The following PCDHA10 variants were observed in gnomAD, a reference collection of about 807,000 sequenced individuals.
PCDHA10 encodes the protein protocadherin alpha-10.
A neutral mutation model predicts 61.2 loss-of-function variants in PCDHA10; 45 were observed. That is an observed-to-expected ratio of 0.74 (90% CI 0.58 to 0.94). The LOEUF (loss-of-function observed/expected upper bound fraction) is 0.94, where lower values mean the gene tolerates loss of function less well. PCDHA10 is among the 40% of genes least tolerant of loss of function. The pLI is 0.00. For synonymous variants in PCDHA10, 602 were observed against 548.8 expected (o/e 1.10, Z -1.35); for missense variants, 1,278 against 1,236.2 (o/e 1.03, Z -0.51).
chr5:140,994,665 A>G (rs555985538), intron 3 of PCDHA10, among the ~76,000 whole-genome samples: 1 of 152,294 alleles, frequency 6.6e-6, no homozygotes, highest in East Asian at 1.9e-4. Flanking sequence ...AGATCACACT[A>G]CTGCACTCCA....
At chr5:140,922,715 G>A (rs1221596173) in intron 1 of PCDHA10, among the ~76,000 whole-genome samples, 1 of 152,038 alleles carries the variant, frequency 6.6e-6, no homozygotes, top group East Asian at 1.9e-4. Flanking sequence ...AGAACAAAAA[G>A]AAACACTTGA....
chr5:140,928,694 C>T, intron 1 of PCDHA10: 1 of 1,614,166 alleles, frequency 6.2e-7, no homozygotes, highest in South Asian at 1.1e-5. Flanking sequence ...TACCACATCT[C>T]CCGGGCGTCT....
intron 1 of PCDHA10, chr5:140,927,810 G>C: frequency 6.2e-7 from 1 of 1,614,200 alleles, no homozygotes. Flanking sequence ...AAACGCTCTT[G>C]GAGGCATACA....
intron 1 of PCDHA10, among the ~76,000 whole-genome samples, chr5:140,944,592 C>T (rs1225606041): frequency 2.6e-5 from 4 of 152,086 alleles, no homozygotes; most frequent in Non-Finnish European, 4.4e-5. Flanking sequence ...CAGAATTTCC[C>T]TGGGTAGAGT....
intron 3 of PCDHA10, among the ~76,000 whole-genome samples, chr5:140,991,358 A>G (rs1417256360): frequency 6.6e-6 from 1 of 152,234 alleles, no homozygotes; most frequent in African/African-American, 2.4e-5. Context: ...AAGACTATTT[A>G]CTGTCTGAGT....
At chr5:140,955,407 C>T (rs1453424058) in intron 1 of PCDHA10, among the ~76,000 whole-genome samples, 1 of 152,098 alleles carries the variant, frequency 6.6e-6, no homozygotes, top group African/African-American at 2.4e-5. Flanking sequence ...ATACAGTTCT[C>T]ATGATAGTGA....
chr5:140,925,671 A>G (rs999903876), intron 1 of PCDHA10, among the ~76,000 whole-genome samples: 5 of 148,178 alleles, frequency 3.4e-5, no homozygotes, highest in African/African-American at 1.2e-4. Flanking sequence ...TAATAATAAT[A>G]ATAATAAAGC....
intron 1 of PCDHA10, chr5:140,928,060 T>C: frequency 6.2e-7 from 1 of 1,614,204 alleles, no homozygotes; most frequent in Non-Finnish European, 8.5e-7. Flanking sequence ...GCTGACGGCT[T>C]CCTTTGACAA....
At chr5:140,876,192 G>A (rs782181168) in intron 1 of PCDHA10, 6 of 1,613,732 alleles carry the variant, frequency 3.7e-6, no homozygotes, top group African/African-American at 1.3e-5. Context: ...ACAATGGTCC[G>A]GCGTTTGATA....
chr5:140,881,555 A>G (rs2058748140), intron 1 of PCDHA10, among the ~76,000 whole-genome samples: 2 of 152,236 alleles, frequency 1.3e-5, no homozygotes, highest in South Asian at 2.1e-4. Context: ...TTGAATATAA[A>G]TATCTTATCT....
intron 1 of PCDHA10, among the ~76,000 whole-genome samples, chr5:140,947,108 T>G (rs1419361342): frequency 6.6e-6 from 1 of 151,486 alleles, no homozygotes; most frequent in East Asian, 1.9e-4. Context: ...AATAGGTACG[T>G]GTCAATTAAA....
chr5:140,912,241 T>C (rs939016891), intron 1 of PCDHA10, among the ~76,000 whole-genome samples: 1 of 152,164 alleles, frequency 6.6e-6, no homozygotes, highest in African/African-American at 2.4e-5. Flanking sequence ...GACTCAAATG[T>C]TAATCTCCTT....
chr5:140,871,427 T>C (rs782140666), intron 1 of PCDHA10: 1 of 1,613,326 alleles, frequency 6.2e-7, no homozygotes, highest in South Asian at 1.1e-5. Context: ...AGCCCCAGTC[T>C]TCCTCTAGGT....
chr5:140,882,081 T>G, intron 1 of PCDHA10: 1 of 985,220 alleles, frequency 1.0e-6, no homozygotes, highest in Non-Finnish European at 1.5e-6. Context: ...ATGGTGTCGC[T>G]CTTCACTGAG....
In PCDHA10 at chr5:140,882,044, C is replaced by T. The variant is rs539916085; in HGVS notation, c.2388+23608C>T. The T allele has an allele frequency of 5.7e-6, 4 of 702,876 alleles. No individual in the cohort carries two copies. In the East Asian group the frequency reaches 1.1e-4, roughly 20 times the overall value. The allele number at this position is 702,876 out of a possible 1,614,324, so 43.5% of individuals were successfully genotyped here. Reference sequence around the variant, plus strand: ...TCAATGGAAAATATGAAGACTGAGTCATACTTACACTTACACGTTCATGCG... The same window carrying T: ...TCAATGGAAAATATGAAGACTGAGTTATACTTACACTTACACGTTCATGCG... On this transcript the variant is annotated intron_variant, in intron 1 of 3. Transcript: ENST00000307360.
At chr5:140,876,923 C>T in intron 1 of PCDHA10, 1 of 1,613,834 alleles carries the variant, frequency 6.2e-7, no homozygotes. Flanking sequence ...GACGCGGACG[C>T]GCAGAAGAAC....
At chr5:140,896,657 A>G (rs1554187043) in intron 1 of PCDHA10, among the ~76,000 whole-genome samples, 1 of 152,010 alleles carries the variant, frequency 6.6e-6, no homozygotes, top group East Asian at 1.9e-4. Flanking sequence ...TATTACAGGC[A>G]TGAGTCACTG....
intron 1 of PCDHA10, among the ~76,000 whole-genome samples, chr5:140,916,315 A>C (rs1554197391): frequency 3.9e-5 from 6 of 152,204 alleles, no homozygotes; most frequent in Non-Finnish European, 8.8e-5. Context: ...GGTGCAAGAC[A>C]AAGTCCCCTT....
chr5:141,000,780 A>G (rs2097963386), intron 3 of PCDHA10, among the ~76,000 whole-genome samples: 1 of 151,780 alleles, frequency 6.6e-6, no homozygotes, highest in Admixed American at 6.6e-5. Context: ...AGTGGCGCAC[A>G]CCTGTATTCC....
Sources: gnomAD v4.1 joint callset for allele counts (sites outside exome capture counted in the v4.1 genomes callset) on GRCh38, gnomAD v4.1.1 for gene constraint, MANE v1.5 for transcripts, NCBI Gene and HGNC (gene_info 2026-07-23, HGNC 2026-07-21) for gene names.